The following TAF5L variants were observed in gnomAD, a reference collection of about 807,000 sequenced individuals.
The protein encoded by TAF5L is TAF5-like RNA polymerase II p300/CBP-associated factor-associated factor 65 kDa subunit 5L.
In TAF5L, 7 loss-of-function variants were observed where a neutral mutation model predicts 51.3. That is an observed-to-expected ratio of 0.14 (90% CI 0.08 to 0.26). The LOEUF is 0.26. Among genes scored for constraint, TAF5L ranks in the 10% least tolerant of loss-of-function variants. The probability of loss-of-function intolerance (pLI) is 1.00; values close to 1 mark genes in which losing one functional copy is unlikely to be tolerated. For synonymous variants in TAF5L, 291 were observed against 308.1 expected (o/e 0.94, Z 0.58); for missense variants, 575 against 758.9 (o/e 0.76, Z 2.85).
intron 3 of TAF5L, among the ~76,000 whole-genome samples, chr1:229,605,557 G>GC (rs780046049): frequency 2.8e-4 from 43 of 152,118 alleles, no homozygotes; most frequent in Admixed American, 4.6e-4. Flanking sequence ...CTGTGGGGGG[G>GC]CCCACGGCAC....
At chr1:229,595,548 C>T (rs973292203) in intron 4 of TAF5L, among the ~76,000 whole-genome samples, 2 of 152,248 alleles carry the variant, frequency 1.3e-5, no homozygotes, top group African/African-American at 4.8e-5. Context: ...AGCCATACTG[C>T]TGTTTTTACT....
At chr1:229,595,907 C>T (rs1272627330) in intron 4 of TAF5L, among the ~76,000 whole-genome samples, 3 of 152,156 alleles carry the variant, frequency 2.0e-5, no homozygotes, top group South Asian at 2.1e-4. Context: ...TCAGGTGATC[C>T]GCCCGCCTTG....
chr1:229,600,849 A>G (rs1664346999), intron 4 of TAF5L: 2 of 984,776 alleles, frequency 2.0e-6, no homozygotes, highest in Non-Finnish European at 2.4e-6. Context: ...CTTCTTTAAT[A>G]TTAATTTTTA....
chr1:229,620,265 T>C (rs918165892), intron 1 of TAF5L, among the ~76,000 whole-genome samples: 3 of 152,200 alleles, frequency 2.0e-5, no homozygotes, highest in Non-Finnish European at 4.4e-5. Context: ...CTGGCTATAT[T>C]GCCCAGGCTG....
chr1:229,601,242 A>G, intron 4 of TAF5L: 2 of 985,424 alleles, frequency 2.0e-6, no homozygotes, highest in Non-Finnish European at 2.4e-6. Context: ...TAGGGCACCC[A>G]ATATTCTTGA....
At position 229,594,245 on chromosome 1, in the gene TAF5L, C is replaced by T. The variant is rs1208827639; in HGVS notation, c.*52G>A. On this transcript the variant is annotated 3_prime_UTR_variant, in exon 5 of 5. Coordinates refer to ENST00000258281, the Ensembl canonical transcript of TAF5L. The surrounding 1 kb of genome is among the most constrained non-coding windows in gnomAD (Gnocchi z 7.9). ...TCAATCTCAGCTCATTGAAGGATTG[C>T]AACTGGAGGCTTTCCACTGTTACCC... is the stretch of plus-strand genomic sequence containing the variant. The T allele has an allele frequency of 1.3e-6, 2 of 1,535,764 alleles. No individual in the cohort carries two copies. Among genetic ancestry groups the T allele is most frequent in the African/African-American group, 1.4e-5 (1 of 73,154 alleles).
intron 1 of TAF5L, among the ~76,000 whole-genome samples, chr1:229,621,403 C>T (rs200855452): frequency 8.7e-6 from 1 of 115,222 alleles, no homozygotes; most frequent in Admixed American, 1.1e-4. Context: ...TATTAACATA[C>T]CCATCCACCT....
intron 4 of TAF5L, chr1:229,600,436 CT>C: frequency 2.0e-6 from 2 of 985,324 alleles, no homozygotes; most frequent in Non-Finnish European, 2.4e-6. Flanking sequence ...ACGTCTTTTG[CT>C]TTCTTCTTGA....
At chr1:229,613,562 A>C (rs891001495) in intron 2 of TAF5L, among the ~76,000 whole-genome samples, 2 of 152,212 alleles carry the variant, frequency 1.3e-5, no homozygotes, top group African/African-American at 4.8e-5. Flanking sequence ...TACTATGATG[A>C]ATCCATGTGA....
In TAF5L at chr1:229,594,950, T is replaced by G; in HGVS notation, c.1117A>C (p.Ser373Arg). 6.2e-7 allele frequency: 1 copy of G among 1,614,090 alleles called. No individual in the cohort carries two copies. The highest frequency in any genetic ancestry group is 8.5e-7 in the Non-Finnish European group (1 of 1,180,020). The change falls in exon 5 of 5, where the codon AGT becomes CGT. Residue 373 changes from serine to arginine, a missense_variant. This residue lies in a region of TAF5L where 104 missense variants were observed against 218.3 expected (regional missense o/e 0.48). Coordinates refer to ENST00000258281, the Ensembl canonical transcript of TAF5L. The surrounding 1 kb of genome is among the most constrained non-coding windows in gnomAD (Gnocchi z 7.9). ...TGGTACAACACAGTGTTGGTGAAACTCCCCAGATCCCAGTATCTGATGGAC... is the reference window on the plus strand; with the variant it reads ...TGGTACAACACAGTGTTGGTGAAACGCCCCAGATCCCAGTATCTGATGGAC...
In TAF5L at chr1:229,603,824, G is replaced by C. The variant is rs1358223963; in HGVS notation, c.248-905C>G. Among the ~76,000 whole-genome samples the C allele has an allele frequency of 2.0e-5, 3 of 152,364 alleles. No homozygotes were observed. The East Asian group carries it at 5.8e-4, about 29-fold the overall frequency. ...AATAAGTGCTTAAGGCATGCTGTGA[G>C]GGAGCAAAGGTTTCGATGTGATTCA... On this transcript the variant is annotated intron_variant, in intron 3 of 4. Transcript: ENST00000258281.
Position 229,601,652 on chromosome 1 carries a change from A to G in TAF5L, c.972+543T>C. On this transcript the variant is annotated intron_variant, in intron 4 of 4. Transcript: ENST00000258281. ...GGGGTCTGGGAACACCCCGGGGTAC[A>G]TGGAGCCACAGGATATGCACTGGCC... 3 of 987,134 alleles carry G rather than the reference A, an allele frequency of 3.0e-6. No homozygotes were observed. The South Asian group carries it at 1.4e-4, about 46-fold the overall frequency. The allele number at this position is 987,134 out of a possible 1,614,324, so 61.1% of individuals were successfully genotyped here.
At chr1:229,617,970 G>A (rs1558154176) in intron 1 of TAF5L, among the ~76,000 whole-genome samples, 2 of 152,114 alleles carry the variant, frequency 1.3e-5, no homozygotes, top group Admixed American at 6.6e-5. Context: ...GCATAACCAC[G>A]CTAAACTCAA....
At chr1:229,598,473 T>C (rs772933114) in intron 4 of TAF5L, among the ~76,000 whole-genome samples, 3 of 152,096 alleles carry the variant, frequency 2.0e-5, no homozygotes, top group Admixed American at 6.6e-5. Context: ...AAGACCAGAT[T>C]GGGGGCAAAA....
chr1:229,594,753 T>C lies in TAF5L; in HGVS notation c.1314A>G (p.Ser438=), dbSNP rs1391096023. The change falls in exon 5 of 5, where the codon TCA becomes TCG. Residue 438 remains serine (S), a synonymous_variant. Transcript: ENST00000258281. The surrounding 1 kb of genome is among the most constrained non-coding windows in gnomAD (Gnocchi z 7.9). ...CGGTTGAGCCCGTGGCCAAGTAGTT[T>C]GAATTAGGGTGGAATTTGACACAGT... 1 of 1,614,156 alleles carries C rather than the reference T, an allele frequency of 6.2e-7. No homozygotes were observed. Among genetic ancestry groups the C allele is most frequent in the South Asian group, 1.1e-5 (1 of 91,080 alleles).
In TAF5L at chr1:229,625,292, CT is replaced by C. The variant is rs919672633; in HGVS notation, c.-4+592del. Among the ~76,000 whole-genome samples, 4 of 152,176 alleles carry C rather than the reference CT, an allele frequency of 2.6e-5. No individual in the cohort carries two copies. The highest frequency in any genetic ancestry group is 6.5e-5 in the Admixed American group (1 of 15,286). On this transcript the variant is annotated intron_variant, in intron 1 of 4. Coordinates refer to ENST00000258281, the Ensembl canonical transcript of TAF5L. This position sits in a 1 kb window ranked among gnomAD's most constrained non-coding sequence, Gnocchi z 4.0. ...CGTCCCACACCATGGGCGCACCAAC[CT>C]TACCTTGCTGTCATGAGGCAACGAG... is the stretch of plus-strand genomic sequence containing the variant.
At chr1:229,615,592 C>CA (rs1210305551) in intron 1 of TAF5L, among the ~76,000 whole-genome samples, 1 of 135,106 alleles carries the variant, frequency 7.4e-6, no homozygotes, top group Non-Finnish European at 1.6e-5. Context: ...TGTAGGTTCA[C>CA]AAAAATAAAA....
intron 4 of TAF5L, 39 bp from the exon 5 acceptor site, chr1:229,595,133 C>A (rs1558142751): frequency 6.5e-6 from 10 of 1,527,574 alleles, no homozygotes; most frequent in Admixed American, 6.2e-5. Flanking sequence ...GAAACACACA[C>A]AAAAAATGTT....
intron 4 of TAF5L, among the ~76,000 whole-genome samples, chr1:229,597,335 T>C (rs578232026): frequency 2.4e-4 from 36 of 152,346 alleles, no homozygotes; most frequent in African/African-American, 8.2e-4. Context: ...TGAAGGTGCA[T>C]GGGCTAGGAG....
Sources: gnomAD v4.1 joint callset for allele counts (sites outside exome capture counted in the v4.1 genomes callset) on GRCh38, gnomAD v4.1.1 for gene constraint, gnomAD v4.1.1 regional missense constraint, Gnocchi (gnomAD v3.1) non-coding constraint, MANE v1.5 for transcripts, NCBI Gene and HGNC (gene_info 2026-07-23, HGNC 2026-07-21) for gene names.